ZNF804A: variants seen among roughly 807,000 people sequenced by gnomAD.
The protein encoded by ZNF804A is zinc finger protein 804A.
In ZNF804A, 2 loss-of-function variants were observed where a neutral mutation model predicts 16.5. That is an observed-to-expected ratio of 0.12 (90% CI 0.05 to 0.38). The LOEUF is 0.38. ZNF804A is among the 10% of genes least tolerant of loss of function. The pLI is 0.99. For synonymous variants in ZNF804A, 534 were observed against 489.6 expected, an observed-to-expected ratio of 1.09 and a Z score of -1.20; for missense variants, 1,473 against 1,390.7, an observed-to-expected ratio of 1.06 and a Z score of -0.94.
At chr2:184,800,450 G>A (rs186422596) in intron 1 of ZNF804A, among the ~76,000 whole-genome samples, 8 of 151,336 alleles carry the variant, frequency 5.3e-5, no homozygotes, top group Non-Finnish European at 1.0e-4. Flanking sequence ...TCAAAGAACT[G>A]CTTTAGTCAT....
intron 1 of ZNF804A, among the ~76,000 whole-genome samples, chr2:184,763,400 A>G (rs902529613): frequency 6.6e-6 from 1 of 151,956 alleles, no homozygotes; most frequent in Non-Finnish European, 1.5e-5. Context: ...ACAATGGAGT[A>G]TTTTTCTAAT....
intron 1 of ZNF804A, among the ~76,000 whole-genome samples, chr2:184,686,177 G>T (rs891457295): frequency 6.6e-5 from 10 of 152,360 alleles, no homozygotes; most frequent in African/African-American, 2.4e-4. Flanking sequence ...CCCCAAGAGT[G>T]CAGGGATGCC....
intron 1 of ZNF804A, among the ~76,000 whole-genome samples, chr2:184,846,040 G>A (rs771416340): frequency 6.6e-6 from 1 of 152,064 alleles, no homozygotes; most frequent in Non-Finnish European, 1.5e-5. Context: ...ACAAATAATT[G>A]ATTTTCAGGT....
intron 1 of ZNF804A, among the ~76,000 whole-genome samples, chr2:184,625,132 T>C (rs984803151): frequency 1.3e-5 from 2 of 152,154 alleles, no homozygotes; most frequent in African/African-American, 4.8e-5. Context: ...ATGTCAAGAA[T>C]CAGGTTGGCA....
chr2:184,898,299 C>T (rs1685121041), intron 2 of ZNF804A, among the ~76,000 whole-genome samples: 1 of 152,022 alleles, frequency 6.6e-6, no homozygotes, highest in Non-Finnish European at 1.5e-5. Context: ...CAATGTGAAG[C>T]TACTGTAATA....
intron 1 of ZNF804A, among the ~76,000 whole-genome samples, chr2:184,805,721 A>T (rs1694790585): frequency 6.6e-6 from 1 of 152,168 alleles, no homozygotes; most frequent in South Asian, 2.1e-4. Context: ...AGCCATTAGC[A>T]ATTGAACTAA....
intron 2 of ZNF804A, among the ~76,000 whole-genome samples, chr2:184,874,760 T>C (rs187796972): frequency 1.3e-5 from 2 of 152,298 alleles, no homozygotes. Context: ...TTTTTATTAA[T>C]GTAAACAGTG....
In ZNF804A at chr2:184,646,865, G is replaced by A. The variant is rs947101730; in HGVS notation, c.111+47795G>A. Reference sequence around the variant, plus strand: ...TCCTCCTGCCATCAGAGGACCTGTCGGCAGATTTGCCTGATCCAGCTCTAC... The same window carrying A: ...TCCTCCTGCCATCAGAGGACCTGTCAGCAGATTTGCCTGATCCAGCTCTAC... On this transcript the variant is annotated intron_variant, in intron 1 of 3. Transcript: ENST00000302277. 5.9e-5 allele frequency among the ~76,000 whole-genome samples: 9 copies of A among 152,208 alleles called. No individual in the cohort carries two copies. The South Asian group carries it at 6.2e-4, about 10-fold the overall frequency.
At chr2:184,839,952 T>C (rs1415123219) in intron 1 of ZNF804A, among the ~76,000 whole-genome samples, 2 of 152,160 alleles carry the variant, frequency 1.3e-5, no homozygotes, top group South Asian at 2.1e-4. Flanking sequence ...TGGATTGAGG[T>C]GTCCATGAAC....
At chr2:184,844,498 T>C (rs1204529235) in intron 1 of ZNF804A, among the ~76,000 whole-genome samples, 3 of 152,080 alleles carry the variant, frequency 2.0e-5, no homozygotes. Flanking sequence ...GAATTCTAGG[T>C]TGTTGTTTTT....
At chr2:184,888,339 A>G (rs953009319) in intron 2 of ZNF804A, among the ~76,000 whole-genome samples, 2 of 152,166 alleles carry the variant, frequency 1.3e-5, no homozygotes, top group Admixed American at 6.6e-5. Context: ...ACTCATTTCC[A>G]TTCTCTTCCT....
chr2:184,599,432 A>G (rs907934951), intron 1 of ZNF804A, among the ~76,000 whole-genome samples: 3 of 152,176 alleles, frequency 2.0e-5, no homozygotes, highest in Non-Finnish European at 4.4e-5. Context: ...AGGAGGCTGA[A>G]GGTGAATGAG....
intron 1 of ZNF804A, among the ~76,000 whole-genome samples, chr2:184,656,756 A>G (rs1692081330): frequency 6.6e-6 from 1 of 151,880 alleles, no homozygotes; most frequent in Non-Finnish European, 1.5e-5. Context: ...ACACATATAT[A>G]TATACACATA....
intron 1 of ZNF804A, among the ~76,000 whole-genome samples, chr2:184,723,831 A>G (rs1693361010): frequency 6.6e-6 from 1 of 151,706 alleles, no homozygotes; most frequent in Non-Finnish European, 1.5e-5. Flanking sequence ...GGGGATTTCT[A>G]TATTCAACAA....
At position 184,816,614 on chromosome 2, in the gene ZNF804A, TG is replaced by T. The variant is rs770448699; in HGVS notation, c.112-49753del. Among the ~76,000 whole-genome samples the T allele has an allele frequency of 2.6e-5, 4 of 152,136 alleles. No individual in the cohort carries two copies. In the East Asian group the frequency reaches 7.7e-4, roughly 29 times the overall value. On this transcript the variant is annotated intron_variant, in intron 1 of 3. Coordinates refer to ENST00000302277, the MANE Select transcript of ZNF804A (RefSeq NM_194250.2). ...TTAGAACTAATTTTTGCCATAAACATGGTCAAAACTGTCTCATTTATCAACC... is the reference window on the plus strand; with the variant it reads ...TTAGAACTAATTTTTGCCATAAACATGTCAAAACTGTCTCATTTATCAACC...
intron 1 of ZNF804A, among the ~76,000 whole-genome samples, chr2:184,858,820 C>G (rs1695746173): frequency 6.6e-6 from 1 of 152,122 alleles, no homozygotes; most frequent in African/African-American, 2.4e-5. Context: ...GAAGAACTCC[C>G]TTTATCCATT....
chr2:184,677,875 G>A (rs1456053686), intron 1 of ZNF804A, among the ~76,000 whole-genome samples: 1 of 151,778 alleles, frequency 6.6e-6, no homozygotes, highest in Non-Finnish European at 1.5e-5. Flanking sequence ...TTGGAATTCG[G>A]TCCCACCACA....
intron 1 of ZNF804A, among the ~76,000 whole-genome samples, chr2:184,858,256 C>T (rs572222986): frequency 9.8e-4 from 149 of 152,028 alleles, no homozygotes; most frequent in African/African-American, 3.5e-3. Context: ...GTAATCCCAG[C>T]AATTTGGGAG....
In ZNF804A at chr2:184,710,886, TTTTATTTGTCCA is replaced by T. The variant is rs1170129307; in HGVS notation, c.111+111822_111+111833del. On this transcript the variant is annotated intron_variant, in intron 1 of 3. Coordinates refer to ENST00000302277, the MANE Select transcript of ZNF804A (RefSeq NM_194250.2). ...TATTTCATTCTATGTCTATGCCATG[TTTTATTTGTCCA>T]TTTATCCATTGATGGACATTTAGGT... Among the ~76,000 whole-genome samples the T allele has an allele frequency of 2.6e-5, 4 of 151,934 alleles. No homozygotes were observed. The East Asian group carries it at 7.7e-4, about 29-fold the overall frequency.
Sources: allele counts gnomAD v4.1 joint callset (sites outside exome capture counted in the v4.1 genomes callset), GRCh38; gene constraint gnomAD v4.1.1; transcripts MANE v1.5; gene names NCBI Gene and HGNC (gene_info 2026-07-23, HGNC 2026-07-21).